The following SPAG17 variants were observed in gnomAD, a reference collection of about 807,000 sequenced individuals.
The protein encoded by SPAG17 is sperm associated antigen 17, also known as sperm-associated antigen 17.
A neutral mutation model predicts 273.6 loss-of-function variants in SPAG17; 169 were observed. The ratio of observed to expected loss-of-function variants is 0.62; its 90% CI spans 0.55 to 0.70. The LOEUF is 0.70. SPAG17 is among the 30% of genes least tolerant of loss of function. The pLI is 0.00. For synonymous variants in SPAG17, 825 were observed against 873.2 expected (o/e 0.94, Z 0.97); for missense variants, 2,557 against 2,627.8 (o/e 0.97, Z 0.59).
intron 30 of SPAG17, among the ~76,000 whole-genome samples, chr1:118,008,667 A>G (rs948725803): frequency 1.3e-5 from 2 of 152,170 alleles, no homozygotes; most frequent in Non-Finnish European, 2.9e-5. Flanking sequence ...CATGAACAAT[A>G]TAAATGTGTG....
chr1:118,008,943 T>C (rs1016321619), intron 30 of SPAG17, among the ~76,000 whole-genome samples: 101 of 152,278 alleles, frequency 6.6e-4, no homozygotes, highest in African/African-American at 2.3e-3. Flanking sequence ...TGGACATTTA[T>C]ATTTTCCCAA....
intron 29 of SPAG17, among the ~76,000 whole-genome samples, chr1:118,015,179 G>A (rs1557908826): frequency 6.6e-6 from 1 of 151,968 alleles, no homozygotes; most frequent in East Asian, 1.9e-4. Context: ...CAGCTACATG[G>A]GAGGCTGAGG....
chr1:117,963,585 C>T (rs1314282291), intron 48 of SPAG17: 7 of 320,294 alleles, frequency 2.2e-5, no homozygotes, highest in African/African-American at 4.2e-5. Flanking sequence ...AGGATGGTCT[C>T]GATCTCCTGA....
At chr1:118,056,520 C>A (rs774589587) in intron 18 of SPAG17, among the ~76,000 whole-genome samples, 7 of 152,156 alleles carry the variant, frequency 4.6e-5, no homozygotes, top group Admixed American at 3.9e-4. Flanking sequence ...TCATTCACAT[C>A]ACTTATACTG....
chr1:117,981,440 G>A, intron 42 of SPAG17, 39 bp from the exon 43 acceptor site: 1 of 1,569,336 alleles, frequency 6.4e-7, no homozygotes, highest in East Asian at 2.3e-5. Context: ...GTGATATTTT[G>A]TAAAATGATA....
Position 118,086,978 on chromosome 1 carries a change from G to T in SPAG17, c.1390C>A (p.Pro464Thr). The change falls in exon 11 of 49, where the codon CCC becomes ACC. Residue 464 changes from proline to threonine, a missense_variant. Coordinates refer to ENST00000336338, the MANE Select transcript of SPAG17 (RefSeq NM_206996.4). ...CTGGGGGATGGCTCCCGCAGACTGG[G>T]TGGGACGAGATCTTCTTCAGTTGCA... ...VVATEEDLVP[P>T]SLREPSPRAD... The T allele has an allele frequency of 6.3e-7, 1 of 1,575,908 alleles. No individual in the cohort carries two copies. The highest frequency in any genetic ancestry group is 1.2e-5 in the South Asian group (1 of 85,710).
intron 18 of SPAG17, among the ~76,000 whole-genome samples, chr1:118,062,904 T>C (rs1652501113): frequency 6.6e-6 from 1 of 152,196 alleles, no homozygotes; most frequent in African/African-American, 2.4e-5. Flanking sequence ...ATATGTTACA[T>C]CTCCACTATA....
intron 45 of SPAG17, chr1:117,971,648 A>C (rs1654572770): frequency 2.6e-6 from 1 of 390,710 alleles, no homozygotes; most frequent in Non-Finnish European, 4.5e-6. Flanking sequence ...GAGGGCAAGG[A>C]AGTATCTACC....
Position 118,067,017 on chromosome 1 carries a change from C to T in SPAG17, c.2386-118G>A, listed in dbSNP as rs192103368. 6.0e-5 allele frequency: 54 copies of T among 900,592 alleles called. No individual in the cohort carries two copies. In the African/African-American group the frequency reaches 9.1e-4, roughly 15 times the overall value. The allele number at this position is 900,592 out of a possible 1,614,324, so 55.8% of individuals were successfully genotyped here. A position where few individuals can be genotyped will look rare whatever the true frequency, so the allele number is the denominator to read the frequency against. On this transcript the variant is annotated intron_variant, in intron 17 of 48. Coordinates refer to ENST00000336338, the MANE Select transcript of SPAG17 (RefSeq NM_206996.4). ...CTACATTCACCTCTACATTGTTAGT[C>T]AAGTTGAAATTCCCAGAGGTTTCTT...
chr1:118,155,554 C>CCTGAAGGA (rs1659608374), intron 1 of SPAG17, among the ~76,000 whole-genome samples: 1 of 152,052 alleles, frequency 6.6e-6, no homozygotes, highest in African/African-American at 2.4e-5. Flanking sequence ...CGCCTGTGTC[C>CCTGAAGGA]CTGAAGGACT....
Position 117,973,542 on chromosome 1 carries a change from G to C in SPAG17, c.6024C>G (p.Pro2008=), listed in dbSNP as rs375020806. Residue 2008 remains proline, a synonymous_variant, in exon 44 of 49, where the codon CCC becomes CCG. Coordinates refer to ENST00000336338, the MANE Select transcript of SPAG17 (RefSeq NM_206996.4). ...GCAAGGACTGGGTTGGAATTTTCAC[G>C]GGCTCATAAGATTCTGCTTCTGTTA... ...KSPEEAESYE[P]VKIPTQSLLQ... 6.2e-7 allele frequency: 1 copy of C among 1,613,530 alleles called. No homozygotes were observed. The highest frequency in any genetic ancestry group is 1.1e-5 in the South Asian group (1 of 91,002).
chr1:118,125,243 A>ATTTT (rs1657648676), intron 3 of SPAG17, among the ~76,000 whole-genome samples: 1 of 143,460 alleles, frequency 7.0e-6, no homozygotes, highest in Admixed American at 6.7e-5. Context: ...ATATATATAT[A>ATTTT]TATTTTTGAC....
rs1557910257 is a variant in SPAG17 at position 118,016,094 on chromosome 1, C to T, written c.4158G>A (p.Val1386=). The T allele has an allele frequency of 1.2e-6, 2 of 1,614,054 alleles. No homozygotes were observed. The highest frequency in any genetic ancestry group is 1.1e-5 in the South Asian group (1 of 91,086). ...PPEAVQTVTP[V]EVHIGTWFTT... is the part of the protein sequence containing the mutation. The stretch of plus-strand genomic sequence containing the variant: ...TAAACCAGGTGCCTATGTGAACCTC[C>T]ACAGGAGTTACAGTTTGAACTGCCT... Residue 1386 remains valine, a synonymous_variant, in exon 29 of 49, where the codon GTG becomes GTA. Transcript: ENST00000336338.
intron 1 of SPAG17, among the ~76,000 whole-genome samples, chr1:118,153,746 G>A (rs1285148488): frequency 6.6e-6 from 1 of 152,110 alleles, no homozygotes; most frequent in Non-Finnish European, 1.5e-5. Context: ...CTACTTGTGA[G>A]GCTGAGGCAG....
intron 21 of SPAG17, 137 bp downstream of exon 21, chr1:118,041,666 T>C (rs1324303941): frequency 8.7e-7 from 1 of 1,148,772 alleles, no homozygotes; most frequent in Non-Finnish European, 1.2e-6. Context: ...GAATACAGGT[T>C]TGAGCTCATT....
At chr1:118,063,569 G>T (rs1471241367) in intron 18 of SPAG17, among the ~76,000 whole-genome samples, 7 of 151,976 alleles carry the variant, frequency 4.6e-5, no homozygotes, top group African/African-American at 1.2e-4. Flanking sequence ...CCTTACACCT[G>T]ATACAAAAAT....
At chr1:118,064,795 TATCA>T (rs747709456) in intron 18 of SPAG17, among the ~76,000 whole-genome samples, 3 of 151,700 alleles carry the variant, frequency 2.0e-5, no homozygotes, top group East Asian at 3.9e-4. Flanking sequence ...ATAAAAATAC[TATCA>T]GTCAGATACT....
chr1:118,082,092 G>A (rs1217228365), intron 13 of SPAG17, among the ~76,000 whole-genome samples: 1 of 152,132 alleles, frequency 6.6e-6, no homozygotes, highest in Non-Finnish European at 1.5e-5. Context: ...CTCAGGAAAG[G>A]CTTCCTCCTG....
intron 26 of SPAG17, 43 bp downstream of exon 26, chr1:118,028,231 A>C (rs751433017): frequency 6.3e-7 from 1 of 1,575,080 alleles, no homozygotes; most frequent in Admixed American, 2.0e-5. Flanking sequence ...TCTACGTGAC[A>C]TTTTGCTCCC....
Sources: gnomAD v4.1 joint callset for allele counts (sites outside exome capture counted in the v4.1 genomes callset) on GRCh38, gnomAD v4.1.1 for gene constraint, MANE v1.5 for transcripts, NCBI Gene and HGNC (gene_info 2026-07-23, HGNC 2026-07-21) for gene names.